The following ATP8B4 variants were observed in gnomAD, a reference collection of about 807,000 sequenced individuals.
ATP8B4 encodes ATPase phospholipid transporting 8B4 (putative), also known as probable phospholipid-transporting ATPase IM.
In ATP8B4, 133 loss-of-function variants were observed where a neutral mutation model predicts 145.6. The observed-to-expected ratio is 0.91, with a 90% CI of 0.79 to 1.05. The LOEUF is 1.05. ATP8B4 is among the 50% of genes least tolerant of loss of function. The pLI is 0.00. For synonymous variants in ATP8B4, 507 were observed against 492.9 expected, an observed-to-expected ratio of 1.03 and a Z score of -0.38; for missense variants, 1,458 against 1,425.2, an observed-to-expected ratio of 1.02 and a Z score of -0.37.
chr15:50,107,449 A>G (rs11639262), intron 1 of ATP8B4, among the ~76,000 whole-genome samples: 20,405 of 152,192 alleles, frequency 0.13, 1,463 homozygotes, highest in Middle Eastern at 0.16. Flanking sequence ...ACAAAATGCA[A>G]TCCAAAACTT....
intron 23 of ATP8B4, among the ~76,000 whole-genome samples, chr15:49,889,337 T>G (rs1365409466): frequency 6.6e-6 from 1 of 152,152 alleles, no homozygotes; most frequent in Middle Eastern, 3.2e-3. Context: ...AGAGTAAAGA[T>G]TCTAGGTTCA....
chr15:50,166,274 G>C (rs1409496642), intron 1 of ATP8B4, among the ~76,000 whole-genome samples: 1 of 152,116 alleles, frequency 6.6e-6, no homozygotes, highest in African/African-American at 2.4e-5. Flanking sequence ...AATGTTAGGG[G>C]AAATTCCTCC....
At chr15:50,158,078 G>C (rs1283656632) in intron 1 of ATP8B4, among the ~76,000 whole-genome samples, 1 of 152,222 alleles carries the variant, frequency 6.6e-6, no homozygotes. Flanking sequence ...CCAGGCTGGA[G>C]TGCAGTGGCG....
At chr15:50,100,650 T>C (rs2056295542) in intron 2 of ATP8B4, among the ~76,000 whole-genome samples, 1 of 152,192 alleles carries the variant, frequency 6.6e-6, no homozygotes. Flanking sequence ...GTCCCACTCA[T>C]GATGATACAA....
At chr15:50,029,500 G>C (rs1321123606) in intron 6 of ATP8B4, among the ~76,000 whole-genome samples, 10 of 152,162 alleles carry the variant, frequency 6.6e-5, no homozygotes, top group Admixed American at 5.2e-4. Context: ...CTCTCATAAA[G>C]ACACTGGTGG....
At chr15:50,000,067 G>A (rs1409553988) in intron 8 of ATP8B4, among the ~76,000 whole-genome samples, 1 of 152,084 alleles carries the variant, frequency 6.6e-6, no homozygotes, top group Non-Finnish European at 1.5e-5. Context: ...TCCATGGTAT[G>A]GATGTACCAC....
chr15:49,975,110 C>T (rs1359169825), intron 12 of ATP8B4, among the ~76,000 whole-genome samples: 1 of 152,044 alleles, frequency 6.6e-6, no homozygotes, highest in Non-Finnish European at 1.5e-5. Flanking sequence ...AATTTTTCTA[C>T]AAAATTTATT....
chr15:50,056,751 C>CA (rs2052636486), intron 3 of ATP8B4, among the ~76,000 whole-genome samples: 1 of 150,144 alleles, frequency 6.7e-6, no homozygotes. Context: ...ATAGCAAAGA[C>CA]AATATAATAT....
chr15:49,998,056 A>G (rs901857976), intron 8 of ATP8B4, among the ~76,000 whole-genome samples: 2 of 152,122 alleles, frequency 1.3e-5, no homozygotes, highest in South Asian at 2.1e-4. Flanking sequence ...ACACCAAAAA[A>G]GCCAGATAGC....
At position 49,972,774 on chromosome 15, in the gene ATP8B4, G is replaced by C. The variant is rs942745173; in HGVS notation, c.1051C>G (p.Leu351Val). The change falls in exon 13 of 28, where the codon CTA becomes GTA. Residue 351 changes from leucine to valine, a missense_variant. By Grantham distance (32) the Leu-to-Val change is conservative (BLOSUM62 1). Transcript: ENST00000284509. ...CAGTTTATAAAATAACTGTGTCCTA[G>C]ACGAATTACTTCCACACTATCATCC... ...SLYVSVEVIRLGHSYFINWDR... is the reference protein window; with the variant it reads ...SLYVSVEVIRVGHSYFINWDR... 3 of 1,613,706 alleles carry C rather than the reference G, an allele frequency of 1.9e-6. No homozygotes were observed. Among genetic ancestry groups the C allele is most frequent in the Non-Finnish European group, 1.7e-6 (2 of 1,179,836 alleles).
intron 2 of ATP8B4, among the ~76,000 whole-genome samples, chr15:50,094,575 TATATACACATATATACAA>T (rs1287624968): frequency 1.3e-5 from 2 of 149,172 alleles, no homozygotes; most frequent in Admixed American, 1.3e-4. Flanking sequence ...AATATAGGTG[TATATACACATATATACAA>T]ATATACACAT....
chr15:49,970,402 C>G (rs150212832), intron 13 of ATP8B4, among the ~76,000 whole-genome samples: 52 of 152,304 alleles, frequency 3.4e-4, no homozygotes, highest in Non-Finnish European at 4.3e-4. Context: ...TCCCCTTAAG[C>G]TGATAAGCAA....
In ATP8B4 at chr15:49,924,070, G is replaced by C. The variant is rs144338355; in HGVS notation, c.1643-576C>G. Among the ~76,000 whole-genome samples the C allele has an allele frequency of 3.9e-3, 587 of 151,814 alleles. 8 individuals carry two copies. Among genetic ancestry groups the C allele is most frequent in the African/African-American group, 0.014 (571 of 41,376 alleles). On this transcript the variant is annotated intron_variant, in intron 16 of 27. Transcript: ENST00000284509. ...CTGGCTGAAAACACACTTCACAGAGGGGCTTTTAAAAATAAAGTTTCCACC... is the reference window on the plus strand; with the variant it reads ...CTGGCTGAAAACACACTTCACAGAGCGGCTTTTAAAAATAAAGTTTCCACC...
rs143573821 is a variant in ATP8B4, at chr15:50,015,326, A to G, written c.363-4409T>C. On this transcript the variant is annotated intron_variant, in intron 6 of 27. Coordinates refer to ENST00000284509, the MANE Select transcript of ATP8B4 (RefSeq NM_024837.4). ...TTTTGTACTGTTTAAATTATTTGGC[A>G]TTACACATATTAGTATTTTAATGGC... Among the ~76,000 whole-genome samples, 3 of 152,312 alleles carry G rather than the reference A, an allele frequency of 2.0e-5. No homozygotes were observed. In the East Asian group the frequency reaches 5.8e-4, roughly 29 times the overall value.
intron 1 of ATP8B4, among the ~76,000 whole-genome samples, chr15:50,116,998 A>G (rs1216861233): frequency 1.3e-5 from 2 of 152,110 alleles, no homozygotes; most frequent in African/African-American, 2.4e-5. Flanking sequence ...ATTCTTACTC[A>G]TGCTATACAA....
intron 25 of ATP8B4, among the ~76,000 whole-genome samples, chr15:49,874,864 C>G (rs2034163143): frequency 6.6e-6 from 1 of 151,966 alleles, no homozygotes; most frequent in Admixed American, 6.6e-5. Flanking sequence ...CAACATTCAA[C>G]TGGAATAAGA....
At chr15:50,007,382 A>G (rs79763619) in intron 7 of ATP8B4, among the ~76,000 whole-genome samples, 12,488 of 152,278 alleles carry the variant, frequency 0.082, 709 homozygotes, top group East Asian at 0.29. Context: ...AGGAACAGCA[A>G]ATGGTAGTGG....
Position 49,972,698 on chromosome 15 carries a change from G to C in ATP8B4, c.1127C>G (p.Thr376Arg). The C allele has an allele frequency of 6.2e-7, 1 of 1,613,858 alleles. No individual in the cohort carries two copies. Among genetic ancestry groups the C allele is most frequent in the Non-Finnish European group, 8.5e-7 (1 of 1,179,972 alleles). The part of the protein sequence containing the change: ...SRKAIPAVAR[T>R]TTLNEELGQI... ...CCCCAGTTCCTCATTGAGCGTGGTC[G>C]TTCGAGCCACTGCAGGTATTGCTTT... Residue 376 changes from threonine to arginine, a missense_variant, in exon 13 of 28, where the codon ACG becomes AGG. By Grantham distance (71) the Thr-to-Arg change is moderately conservative. Transcript: ENST00000284509.
chr15:50,053,192 G>T (rs1395441375), intron 3 of ATP8B4, among the ~76,000 whole-genome samples: 1 of 152,152 alleles, frequency 6.6e-6, no homozygotes, highest in African/African-American at 2.4e-5. Context: ...ACATTCTTAT[G>T]AAATAGGTAC....
Sources: gnomAD v4.1 joint callset for allele counts (sites outside exome capture counted in the v4.1 genomes callset) on GRCh38, gnomAD v4.1.1 for gene constraint, MANE v1.5 for transcripts, NCBI Gene and HGNC (gene_info 2026-07-23, HGNC 2026-07-21) for gene names.